STK3: variants seen among roughly 807,000 people sequenced by gnomAD.
The protein encoded by STK3 is serine/threonine kinase 3, also known as serine/threonine-protein kinase 3.
In STK3, 41 loss-of-function variants were observed where a neutral mutation model predicts 58.0. The ratio of observed to expected loss-of-function variants is 0.71; its 90% CI spans 0.55 to 0.92. The LOEUF (loss-of-function observed/expected upper bound fraction) is 0.92. STK3 is among the 40% of genes least tolerant of loss of function. STK3 has a pLI of 0.00. For missense variants in STK3, 479 were observed against 602.7 expected, an observed-to-expected ratio of 0.79 and a Z score of 2.15; for synonymous variants, 170 against 191.0, an observed-to-expected ratio of 0.89 and a Z score of 0.91.
In STK3 at chr8:98,654,735, T is replaced by C. The variant is rs556412362; in HGVS notation, c.684+51732A>G. On this transcript the variant is annotated intron_variant, in intron 6 of 10. Coordinates refer to ENST00000419617, the MANE Select transcript of STK3 (RefSeq NM_006281.4). The stretch of plus-strand genomic sequence containing the variant: ...ATCATGAGTGAACTCCCATTCACAA[T>C]TGCTTCAAAGAGAATAAAATACCTA... 3.5e-4 allele frequency among the ~76,000 whole-genome samples: 54 copies of C among 152,252 alleles called. 1 individual carries two copies. The highest frequency in any genetic ancestry group is 2.7e-3 in the Admixed American group (41 of 15,288).
chr8:98,628,027 G>GA (rs1818867825), intron 6 of STK3, among the ~76,000 whole-genome samples: 1 of 152,144 alleles, frequency 6.6e-6, no homozygotes, highest in African/African-American at 2.4e-5. Context: ...CAGCTCAGTA[G>GA]AATACTACAA....
chr8:98,650,655 C>T (rs1044734912), intron 6 of STK3, among the ~76,000 whole-genome samples: 3 of 152,190 alleles, frequency 2.0e-5, no homozygotes, highest in African/African-American at 7.2e-5. Context: ...GCTTTTCCGA[C>T]GGGCTTAAAA....
chr8:98,744,840 G>A (rs1403054551), intron 4 of STK3, among the ~76,000 whole-genome samples: 2 of 151,768 alleles, frequency 1.3e-5, no homozygotes, highest in African/African-American at 4.8e-5. Context: ...TAGTAGGACA[G>A]GCTTATAAGC....
intron 3 of STK3, among the ~76,000 whole-genome samples, chr8:98,873,702 T>G (rs1007884332): frequency 1.3e-5 from 2 of 152,172 alleles, no homozygotes; most frequent in African/African-American, 4.8e-5. Flanking sequence ...TTGGTAGATC[T>G]TCCTCCATCA....
At chr8:98,357,554 G>A in the STK3 span, among the ~76,000 whole-genome samples, 1 of 152,216 alleles carries the variant, frequency 6.6e-6, no homozygotes, top group Non-Finnish European at 1.5e-5. Flanking sequence ...ATGTGGCTGA[G>A]GCTGCCATGT....
At chr8:98,826,972 T>A (rs576208593), upstream of STK3, among the ~76,000 whole-genome samples, 1 of 134,060 alleles carries the variant, frequency 7.5e-6, no homozygotes, top group East Asian at 2.2e-4. Flanking sequence ...GCTTTTAACC[T>A]TAAATTCCAT....
At chr8:98,559,550 C>T (rs1811851286) in intron 8 of STK3, among the ~76,000 whole-genome samples, 1 of 152,144 alleles carries the variant, frequency 6.6e-6, no homozygotes, top group Non-Finnish European at 1.5e-5. Context: ...GCAATCCAAT[C>T]TATGCTCATG....
At chr8:98,928,120 G>A (rs546959285) in intron 1 of STK3, among the ~76,000 whole-genome samples, 2 of 152,318 alleles carry the variant, frequency 1.3e-5, no homozygotes, top group South Asian at 4.1e-4. Flanking sequence ...GTTCAAAGCA[G>A]GTTGGCATCC....
intron 8 of STK3, among the ~76,000 whole-genome samples, chr8:98,553,656 T>C (rs1811372002): frequency 6.6e-6 from 1 of 152,174 alleles, no homozygotes; most frequent in African/African-American, 2.4e-5. Flanking sequence ...AGAAGCACTA[T>C]GCTAAGGTCT....
intron 3 of STK3, among the ~76,000 whole-genome samples, chr8:98,874,969 T>C (rs1199475624): frequency 1.3e-5 from 2 of 152,132 alleles, no homozygotes; most frequent in East Asian, 3.8e-4. Flanking sequence ...AAAATACAAG[T>C]CATAAACAGT....
chr8:98,463,502 A>T (rs1435692763), intron 10 of STK3, among the ~76,000 whole-genome samples: 1 of 152,146 alleles, frequency 6.6e-6, no homozygotes, highest in Non-Finnish European at 1.5e-5. Context: ...AGATTAAATC[A>T]ATTCACTGAT....
intron 6 of STK3, among the ~76,000 whole-genome samples, chr8:98,622,101 TAAAA>T (rs35431395): frequency 2.2e-5 from 2 of 91,400 alleles, no homozygotes; most frequent in African/African-American, 4.2e-5. Flanking sequence ...CTGTCTCTAC[TAAAA>T]AAAAAAAAAA....
At chr8:98,504,199 C>G (rs1457668968) in intron 10 of STK3, among the ~76,000 whole-genome samples, 1 of 152,104 alleles carries the variant, frequency 6.6e-6, no homozygotes, top group Non-Finnish European at 1.5e-5. Flanking sequence ...TTATCAGAGA[C>G]TAGGATTGCA....
Position 98,579,677 on chromosome 8 carries a change from T to C in STK3, c.935A>G (p.Glu312Gly). 6.2e-7 allele frequency: 1 copy of C among 1,606,964 alleles called. No individual in the cohort carries two copies. Among genetic ancestry groups the C allele is most frequent in the Non-Finnish European group, 8.5e-7 (1 of 1,178,344 alleles). Residue 312 changes from glutamate (E) to glycine (G), a missense_variant, in exon 8 of 11, where the codon GAA (glutamate) becomes GGA (glycine). This residue lies in a region of STK3 where 309 missense variants were observed against 355.7 expected (regional missense o/e 0.87). Transcript: ENST00000419617. ...ATAATTACAAACCGAATTTTCTTCT[T>C]CCTCTTCCAATTCTCGTTGCTGTTC... ...HEEQQRELEE[E>G]EENSDEDELD... is the part of the protein sequence containing the mutation.
intron 6 of STK3, among the ~76,000 whole-genome samples, chr8:98,671,266 C>T (rs907153020): frequency 2.6e-5 from 4 of 152,090 alleles, no homozygotes; most frequent in African/African-American, 7.2e-5. Flanking sequence ...GAAGGGCTAA[C>T]TCCTTACATG....
At chr8:98,385,426 G>C (rs563904234) in intron 1 of STK3, among the ~76,000 whole-genome samples, 3 of 152,272 alleles carry the variant, frequency 2.0e-5, no homozygotes, top group Non-Finnish European at 4.4e-5. Context: ...TGGTGACAGA[G>C]AACAGCCAGA....
intron 10 of STK3, among the ~76,000 whole-genome samples, chr8:98,492,157 A>G (rs919400449): frequency 1.3e-5 from 2 of 152,254 alleles, no homozygotes; most frequent in African/African-American, 4.8e-5. Context: ...ACACACACTA[A>G]TAATTGTTAA....
chr8:98,681,961 C>A (rs1044796833), intron 6 of STK3, among the ~76,000 whole-genome samples: 1 of 152,236 alleles, frequency 6.6e-6, no homozygotes, highest in East Asian at 1.9e-4. Context: ...AACGGGCCTA[C>A]AGCAAAATAG....
At chr8:98,716,042 A>AG (rs1491126948) in intron 4 of STK3, among the ~76,000 whole-genome samples, 3 of 152,096 alleles carry the variant, frequency 2.0e-5, no homozygotes, top group Admixed American at 6.5e-5. Context: ...ACAAAAAAAA[A>AG]CAAACACCGC....
Sources: allele counts gnomAD v4.1 joint callset (sites outside exome capture counted in the v4.1 genomes callset), GRCh38; gene constraint gnomAD v4.1.1; regional missense constraint gnomAD v4.1.1; transcripts MANE v1.5; gene names NCBI Gene and HGNC (gene_info 2026-07-23, HGNC 2026-07-21).